Variants in SUMF1 observed in about 807,000 individuals in gnomAD.
SUMF1 encodes the protein formylglycine-generating enzyme.
Under a neutral mutation model 47.6 loss-of-function variants are expected in SUMF1, and 48 were observed. The ratio of observed to expected loss-of-function variants is 1.01; its 90% confidence interval spans 0.80 to 1.28. The LOEUF is 1.28. Ranked by LOEUF, SUMF1 falls within the 50% of genes most tolerant of loss-of-function variation. The probability of loss-of-function intolerance (pLI) is 0.00; values close to 1 mark genes in which losing one functional copy is unlikely to be tolerated. For missense variants in SUMF1, 571 were observed against 485.4 expected, an observed-to-expected ratio of 1.18 and a Z score of -1.66; for synonymous variants, 230 against 192.1, an observed-to-expected ratio of 1.20 and a Z score of -1.63.
At chr3:4,177,808 A>T (rs1482689836) in intron 8 of SUMF1, among the ~76,000 whole-genome samples, 2 of 152,168 alleles carry the variant, frequency 1.3e-5, no homozygotes, top group Non-Finnish European at 2.9e-5. Flanking sequence ...AATGATAAAG[A>T]AGAAAAGAGA....
At chr3:4,375,051 G>A (rs1239112718) in intron 8 of SUMF1, among the ~76,000 whole-genome samples, 1 of 149,162 alleles carries the variant, frequency 6.7e-6, no homozygotes, top group Non-Finnish European at 1.5e-5. Context: ...TGGGAGGATC[G>A]CTTGAGCCCA....
chr3:4,223,189 C>T (rs1473121342), intron 8 of SUMF1, among the ~76,000 whole-genome samples: 1 of 152,142 alleles, frequency 6.6e-6, no homozygotes, highest in Non-Finnish European at 1.5e-5. Flanking sequence ...TCTGGGACTG[C>T]TTGTCTGGCT....
At chr3:4,368,112 T>G (rs1310609669) in intron 8 of SUMF1, among the ~76,000 whole-genome samples, 5 of 152,122 alleles carry the variant, frequency 3.3e-5, no homozygotes, top group African/African-American at 1.2e-4. Context: ...ATATTTAGAA[T>G]CTACAATGAA....
At chr3:4,313,354 G>T (rs1204327042) in intron 8 of SUMF1, 2 of 1,613,860 alleles carry the variant, frequency 1.2e-6, no homozygotes, top group African/African-American at 2.7e-5. Flanking sequence ...TAATGGGCAG[G>T]TAATGGAAAC....
intron 8 of SUMF1, among the ~76,000 whole-genome samples, chr3:4,183,816 G>T (rs1695144309): frequency 6.6e-6 from 1 of 152,176 alleles, no homozygotes; most frequent in African/African-American, 2.4e-5. Flanking sequence ...AGAACTGGAA[G>T]TTGGTTCACA....
chr3:4,043,808 A>T (rs1310558286), intron 9 of SUMF1, among the ~76,000 whole-genome samples: 2 of 152,150 alleles, frequency 1.3e-5, no homozygotes, highest in Admixed American at 1.3e-4. Context: ...TTCAACTCTA[A>T]ATTTGTAAAC....
intron 8 of SUMF1, among the ~76,000 whole-genome samples, chr3:4,196,094 A>C (rs911985160): frequency 3.9e-5 from 6 of 152,152 alleles, no homozygotes; most frequent in African/African-American, 1.4e-4. Context: ...AGCAGAACAC[A>C]TGCCTATGGT....
chr3:4,430,846 G>A (rs928663222), intron 3 of SUMF1, among the ~76,000 whole-genome samples: 1 of 152,134 alleles, frequency 6.6e-6, no homozygotes, highest in African/African-American at 2.4e-5. Flanking sequence ...GAGCAAGTAA[G>A]GCAGGGCAGG....
chr3:4,346,906 T>A (rs138982828), intron 8 of SUMF1, among the ~76,000 whole-genome samples: 2,069 of 152,204 alleles, frequency 0.014, 52 homozygotes, highest in African/African-American at 0.047. Flanking sequence ...TATAAACACC[T>A]CTACACAAAT....
intron 8 of SUMF1, among the ~76,000 whole-genome samples, chr3:4,113,748 G>A (rs1462363200): frequency 2.0e-5 from 3 of 152,000 alleles, no homozygotes; most frequent in African/African-American, 7.2e-5. Flanking sequence ...GCACAATTAC[G>A]ATGTACCACC....
At chr3:4,319,909 T>C (rs914598429) in intron 8 of SUMF1, among the ~76,000 whole-genome samples, 1 of 152,176 alleles carries the variant, frequency 6.6e-6, no homozygotes, top group Non-Finnish European at 1.5e-5. Flanking sequence ...CTGAACAGGC[T>C]GCATACTATA....
chr3:4,395,544 T>C (rs1034887725), intron 7 of SUMF1, among the ~76,000 whole-genome samples: 3 of 152,082 alleles, frequency 2.0e-5, no homozygotes, highest in African/African-American at 7.2e-5. Context: ...AGAGATCAAA[T>C]TGGAAAGAAG....
intron 8 of SUMF1, among the ~76,000 whole-genome samples, chr3:4,225,739 T>G (rs966991120): frequency 6.6e-6 from 1 of 152,052 alleles, no homozygotes; most frequent in African/African-American, 2.4e-5. Flanking sequence ...TCTTTACAAT[T>G]AAGAAAAATC....
chr3:4,131,351 G>A (rs956246789), intron 8 of SUMF1, among the ~76,000 whole-genome samples: 5 of 152,136 alleles, frequency 3.3e-5, no homozygotes, highest in Non-Finnish European at 2.9e-5. Context: ...CTGCACCAAT[G>A]GCCTCATGGG....
At chr3:4,250,971 A>G (rs1459134800) in intron 8 of SUMF1, among the ~76,000 whole-genome samples, 1 of 152,230 alleles carries the variant, frequency 6.6e-6, no homozygotes, top group African/African-American at 2.4e-5. Context: ...TCCATAGATC[A>G]AGGAGTAATC....
chr3:4,233,125 A>G (rs1033957058), intron 8 of SUMF1, among the ~76,000 whole-genome samples: 2 of 152,184 alleles, frequency 1.3e-5, no homozygotes, highest in Non-Finnish European at 2.9e-5. Flanking sequence ...CCTCATCCTC[A>G]GATCCCAAAA....
chr3:4,363,074 G>A (rs1219787285), intron 8 of SUMF1, among the ~76,000 whole-genome samples: 1 of 152,196 alleles, frequency 6.6e-6, no homozygotes, highest in South Asian at 2.1e-4. Flanking sequence ...AGCAATCTGA[G>A]TTTCATGTTT....
chr3:4,039,354 C>T (rs1446054856), intron 9 of SUMF1, among the ~76,000 whole-genome samples: 3 of 100,734 alleles, frequency 3.0e-5, no homozygotes, highest in Non-Finnish European at 6.1e-5. Context: ...GTATATCTCC[C>T]AATGCTATCC....
In SUMF1 at chr3:4,035,843, T is replaced by C. The variant is rs1574837209; in HGVS notation, c.1191+32726A>G. 3.3e-5 allele frequency among the ~76,000 whole-genome samples: 5 copies of C among 151,310 alleles called. No individual in the cohort carries two copies. The South Asian group carries it at 1.1e-3, about 32-fold the overall frequency. On this transcript the variant is annotated intron_variant and NMD_transcript_variant, in intron 9 of 12. Coordinates refer to the SUMF1 transcript ENST00000448413. The stretch of plus-strand genomic sequence containing the variant: ...ATAATGCGGTCTCAATAAACTGTAG[T>C]AATATTAGTGACATGAAGTACTTGT...
Sources: allele counts gnomAD v4.1 joint callset (sites outside exome capture counted in the v4.1 genomes callset), GRCh38; gene constraint gnomAD v4.1.1; transcripts MANE v1.5; gene names NCBI Gene and HGNC (gene_info 2026-07-23, HGNC 2026-07-21).